Variants in L1TD1 observed in about 807,000 individuals in gnomAD.
The protein encoded by L1TD1 is LINE1 type transposase domain containing 1.
In L1TD1, 26 loss-of-function variants were observed where a neutral mutation model predicts 25.7. The observed-to-expected ratio is 1.01, with a 90% CI of 0.74 to 1.40. The LOEUF (loss-of-function observed/expected upper bound fraction) is 1.40, where lower values mean the gene tolerates loss of function less well. Ranked by LOEUF, L1TD1 falls within the 40% of genes most tolerant of loss-of-function variation. The probability of loss-of-function intolerance (pLI) is 0.00; values close to 1 mark genes in which losing one functional copy is unlikely to be tolerated. For synonymous variants in L1TD1, 421 were observed against 335.6 expected (o/e 1.25, Z -2.78); for missense variants, 1,130 against 975.0 (o/e 1.16, Z -2.12).
At position 62,210,824 on chromosome 1, in the gene L1TD1, ATAAT is replaced by A. The variant is rs1670853041; in HGVS notation, c.2053_2056del (p.Ile685ValfsTer8). On this transcript the variant is annotated frameshift_variant, in exon 4 of 4. Coordinates refer to ENST00000498273, the MANE Select transcript of L1TD1 (RefSeq NM_019079.5). LOFTEE classifies it low-confidence loss of function (END_TRUNC). ...GGATACAATGCAAATGACCAAACAG[ATAAT>A]TAGTAAAGAAAGGCAAAGAGATATA... 1.9e-6 allele frequency: 3 copies of A among 1,549,254 alleles called. No homozygotes were observed. The highest frequency in any genetic ancestry group is 2.7e-5 in the African/African-American group (2 of 72,846).
intron 2 of L1TD1, among the ~76,000 whole-genome samples, chr1:62,197,768 C>T (rs558686621): frequency 2.7e-5 from 4 of 150,658 alleles, no homozygotes; most frequent in African/African-American, 9.7e-5. Flanking sequence ...CCCAGCTACT[C>T]GGGAGGCTGA....
intron 2 of L1TD1, among the ~76,000 whole-genome samples, chr1:62,199,637 A>G (rs1670605652): frequency 6.6e-6 from 1 of 152,128 alleles, no homozygotes; most frequent in African/African-American, 2.4e-5. Flanking sequence ...CTGAGACAGG[A>G]GTTTGAGTGT....
At position 62,211,226 on chromosome 1, in the gene L1TD1, G is replaced by A; in HGVS notation, c.2452G>A (p.Gly818Ser). The change falls in exon 4 of 4, where the codon GGC becomes AGC. Residue 818 changes from glycine to serine, a missense_variant. Physicochemically the swap from Gly to Ser is moderately conservative, Grantham distance 56. Coordinates refer to ENST00000498273, the MANE Select transcript of L1TD1 (RefSeq NM_019079.5). ...SNVFKVLLEK[G>S]FNPRILYPAK... ...TGTCTTCAAAGTTCTGCTGGAAAAA[G>A]GCTTTAATCCTAGAATCCTATATCC... 1.3e-6 allele frequency: 2 copies of A among 1,565,720 alleles called. No homozygotes were observed. The highest frequency in any genetic ancestry group is 1.7e-6 in the Non-Finnish European group (2 of 1,154,452).
intron 2 of L1TD1, among the ~76,000 whole-genome samples, chr1:62,198,522 C>G (rs1478944704): frequency 6.6e-6 from 1 of 151,504 alleles, no homozygotes; most frequent in East Asian, 1.9e-4. Flanking sequence ...ACCGACCCCC[C>G]GCCGCCGCCC....
In L1TD1 at chr1:62,210,655, G is replaced by A. The variant is rs949250789; in HGVS notation, c.1881G>A (p.Glu627=). The A allele has an allele frequency of 1.3e-6, 2 of 1,564,182 alleles. No individual in the cohort carries two copies. The highest frequency in any genetic ancestry group is 1.7e-6 in the Non-Finnish European group (2 of 1,153,804). The change falls in exon 4 of 4, where the codon GAG becomes GAA. Residue 627 remains glutamate (E), a synonymous_variant. Coordinates refer to ENST00000498273, the MANE Select transcript of L1TD1 (RefSeq NM_019079.5). ...LRSSVINSIR[E]IKEEIGNLKS... ...GTAGTGTGATTAATAGCATCAGAGA[G>A]ATAAAAGAGGAGATTGGAAATTTGA...
At chr1:62,205,386 TCTTTC>T (rs1557443412) in intron 2 of L1TD1, among the ~76,000 whole-genome samples, 1 of 52,672 alleles carries the variant, frequency 1.9e-5, no homozygotes. Flanking sequence ...TCTCTCTCTC[TCTTTC>T]TCTCTCTCTC....
chr1:62,199,560 C>G (rs527710664), intron 2 of L1TD1, among the ~76,000 whole-genome samples: 1 of 151,164 alleles, frequency 6.6e-6, no homozygotes. Flanking sequence ...CCACCGTGCC[C>G]GGCTGTAATT....
rs1428851444 is a variant in L1TD1, at chr1:62,210,711, A to G, written c.1937A>G (p.Glu646Gly). 6.4e-7 allele frequency: 1 copy of G among 1,551,812 alleles called. No individual in the cohort carries two copies. The highest frequency in any genetic ancestry group is 8.7e-7 in the Non-Finnish European group (1 of 1,147,068). ...TCCCATTCAGGTGTCTTGGAAATTG[A>G]AAATTCAGTAGATGATCTGAGTAGC... ...KSSHSGVLEI[E>G]NSVDDLSSRM... The change falls in exon 4 of 4, where the codon GAA becomes GGA. Residue 646 changes from glutamate (E) to glycine (G), a missense_variant. Physicochemically the swap from Glu to Gly is moderately conservative, Grantham distance 98. Coordinates refer to ENST00000498273, the MANE Select transcript of L1TD1 (RefSeq NM_019079.5).
chr1:62,197,064 G>C lies in L1TD1; in HGVS notation c.-111+536G>C, dbSNP rs566932452. ...CATTTTGTTTCACATAACAGTTGTT[G>C]CAGGTTTTGCATTCTCACTACTTCA... On this transcript the variant is annotated intron_variant, in intron 2 of 3. Coordinates refer to ENST00000498273, the MANE Select transcript of L1TD1 (RefSeq NM_019079.5). Among the ~76,000 whole-genome samples the C allele has an allele frequency of 2.8e-4, 42 of 152,128 alleles. No homozygotes were observed. The South Asian group carries it at 3.3e-3, about 12-fold the overall frequency.
At chr1:62,199,326 C>T (rs1411436372) in intron 2 of L1TD1, among the ~76,000 whole-genome samples, 5 of 151,860 alleles carry the variant, frequency 3.3e-5, no homozygotes, top group African/African-American at 9.7e-5. Flanking sequence ...GGTGAAACCC[C>T]GTCTCTACTA....
At chr1:62,205,425 A>C (rs748906952) in intron 2 of L1TD1, among the ~76,000 whole-genome samples, 892 of 37,156 alleles carry the variant, frequency 0.024, 29 homozygotes, top group East Asian at 0.075. Flanking sequence ...CTCTATATAT[A>C]TATATATATA....
intron 2 of L1TD1, among the ~76,000 whole-genome samples, chr1:62,197,675 T>C (rs1478484554): frequency 2.0e-5 from 3 of 151,840 alleles, no homozygotes; most frequent in Non-Finnish European, 4.4e-5. Flanking sequence ...GGTCTGGAGC[T>C]GGAGACCAGC....
intron 2 of L1TD1, among the ~76,000 whole-genome samples, chr1:62,201,727 A>G (rs1670642975): frequency 6.6e-6 from 1 of 152,190 alleles, no homozygotes; most frequent in Non-Finnish European, 1.5e-5. Flanking sequence ...GTATTGTTAC[A>G]GTTAATAAAA....
intron 3 of L1TD1, 21 bp from the exon 4 acceptor site, chr1:62,209,762 T>C (rs755229212): frequency 2.7e-5 from 39 of 1,437,552 alleles, no homozygotes; most frequent in Non-Finnish European, 3.7e-5. Flanking sequence ...CTCTTTTTTT[T>C]CTTCTTTGTT....
In L1TD1 at chr1:62,206,838, G is replaced by A. The variant is rs1224545709; in HGVS notation, c.210G>A (p.Arg70=). ...AAGACCTGATGTTTGAGGAGATGAG[G>A]GAAACTCTTAAAAATGACCTAAAAG... ...EIQDLMFEEM[R]ETLKNDLKAV... Residue 70 remains arginine (R), a synonymous_variant, in exon 3 of 4, where the codon AGG becomes AGA. Transcript: ENST00000498273. 1.9e-6 allele frequency: 3 copies of A among 1,609,938 alleles called. No homozygotes were observed. The South Asian group carries it at 3.3e-5, about 18-fold the overall frequency.
At chr1:62,201,339 G>A (rs1284669588) in intron 2 of L1TD1, among the ~76,000 whole-genome samples, 1 of 151,840 alleles carries the variant, frequency 6.6e-6, no homozygotes, top group Middle Eastern at 3.2e-3. Context: ...AGCTTTCTGT[G>A]TCATCTTGGC....
chr1:62,205,433 A>ATTTTTTTTTTTTT (rs1161372604), intron 2 of L1TD1, among the ~76,000 whole-genome samples: 4 of 40,076 alleles, frequency 1.0e-4, no homozygotes, highest in Non-Finnish European at 2.4e-4. Context: ...ATATATATAT[A>ATTTTTTTTTTTTT]TATATATATA....
chr1:62,207,256 G>T lies in L1TD1; in HGVS notation c.628G>T (p.Glu210Ter). 6.4e-7 allele frequency: 1 copy of T among 1,551,160 alleles called. No individual in the cohort carries two copies. The highest frequency in any genetic ancestry group is 8.7e-7 in the Non-Finnish European group (1 of 1,146,890). ...RKDGEDEFVK[E>*]MREERKFQKL... ...GGATGGAGAGGATGAATTTGTCAAA[G>T]AAATGAGAGAGGAAAGAAAATTTCA... The change falls in exon 3 of 4, where the codon GAA becomes TAA. Residue 210 changes from glutamate (E) to a stop codon, truncating the protein, a stop_gained. Coordinates refer to ENST00000498273, the MANE Select transcript of L1TD1 (RefSeq NM_019079.5). LOFTEE classifies it high-confidence loss of function.
intron 2 of L1TD1, among the ~76,000 whole-genome samples, chr1:62,202,462 A>G (rs1408422753): frequency 2.0e-5 from 3 of 149,260 alleles, no homozygotes; most frequent in Non-Finnish European, 3.0e-5. Flanking sequence ...TGTTGCTCAT[A>G]TTTTGGAAGT....
Sources: allele counts gnomAD v4.1 joint callset (sites outside exome capture counted in the v4.1 genomes callset), GRCh38; gene constraint gnomAD v4.1.1; transcripts MANE v1.5; gene names NCBI Gene and HGNC (gene_info 2026-07-23, HGNC 2026-07-21).